Variants in SPANXN4 observed in about 807,000 individuals in gnomAD.
SPANXN4 encodes the protein SPANX family member N4, also known as sperm protein associated with the nucleus on the X chromosome N4.
A neutral mutation model predicts 6.0 loss-of-function variants in SPANXN4; 5 were observed. That is an observed-to-expected ratio of 0.83 (90% CI 0.44 to 1.75). SPANXN4 has a LOEUF of 1.75. Among genes scored for constraint, SPANXN4 ranks in the 40% most tolerant of loss-of-function variants. The probability of loss-of-function intolerance (pLI) is 0.02; values close to 1 mark genes in which losing one functional copy is unlikely to be tolerated. For missense variants in SPANXN4, 157 were observed against 108.6 expected (o/e 1.45, Z -1.98); for synonymous variants, 45 against 38.0 (o/e 1.19, Z -0.68).
chrX:143,037,718 T>A (rs1025233159), downstream of SPANXN4, among the ~76,000 whole-genome samples: 5 of 111,601 alleles, frequency 4.5e-5, no homozygotes, highest in Non-Finnish European at 7.5e-5. Context: ...GTGGTGGTAA[T>A]TGGATCATGG....
At chrX:143,033,076 C>G (rs997112887) in intron 1 of SPANXN4, among the ~76,000 whole-genome samples, 2 of 111,470 alleles carry the variant, frequency 1.8e-5, no homozygotes, top group African/African-American at 6.5e-5. Flanking sequence ...AGAGAAAAAT[C>G]TGGAAAGGAG....
At chrX:143,027,266 G>A (rs767673154) in intron 1 of SPANXN4, among the ~76,000 whole-genome samples, 1 of 112,129 alleles carries the variant, frequency 8.9e-6, no homozygotes, top group Non-Finnish European at 1.9e-5. Flanking sequence ...TGGGGGAGGA[G>A]TTGAAGGCTG....
intron 1 of SPANXN4, 88 bp from the exon 2 acceptor site, chrX:143,033,937 C>T: frequency 1.2e-6 from 1 of 858,996 alleles, no homozygotes; most frequent in Non-Finnish European, 1.6e-6. Flanking sequence ...AACCTGCATT[C>T]CTTCTTATAA....
At chrX:143,033,751 T>C (rs1932825426) in intron 1 of SPANXN4, among the ~76,000 whole-genome samples, 1 of 111,862 alleles carries the variant, frequency 8.9e-6, no homozygotes, top group African/African-American at 3.3e-5. Flanking sequence ...ATGTTTCTCA[T>C]GGCCTGAACC....
downstream of SPANXN4, among the ~76,000 whole-genome samples, chrX:143,038,237 T>A (rs758012141): frequency 1.2e-4 from 14 of 112,021 alleles, no homozygotes; most frequent in Non-Finnish European, 2.6e-4. Context: ...TGTAGAATCA[T>A]ATAACTGTTG....
At chrX:143,033,177 G>A (rs1164980993) in intron 1 of SPANXN4, among the ~76,000 whole-genome samples, 2 of 111,762 alleles carry the variant, frequency 1.8e-5, no homozygotes, top group African/African-American at 6.5e-5. Context: ...CCCAGAAAGG[G>A]TAAGGAAGCA....
downstream of SPANXN4, chrX:143,034,713 C>A (rs1362218499): frequency 6.3e-6 from 7 of 1,118,653 alleles, no homozygotes; most frequent in South Asian, 1.2e-4. Flanking sequence ...TCAAAAGGAA[C>A]AAGAACCTCA....
chrX:143,037,554 G>A (rs1226659461), downstream of SPANXN4, among the ~76,000 whole-genome samples: 1 of 111,667 alleles, frequency 9.0e-6, no homozygotes, highest in Non-Finnish European at 1.9e-5. Context: ...AGGGTTTATA[G>A]TCTATCAGTA....
chrX:143,025,957 T>C, exon 1 of SPANXN4: 1 of 1,112,054 alleles, frequency 9.0e-7, no homozygotes, highest in African/African-American at 1.8e-5. Flanking sequence ...TCAATACAGC[T>C]GTGGAAATCT....
chrX:143,029,321 A>G (rs1179080634), intron 1 of SPANXN4, among the ~76,000 whole-genome samples: 2 of 111,619 alleles, frequency 1.8e-5, no homozygotes, highest in Non-Finnish European at 3.8e-5. Flanking sequence ...GTGAGAGTGT[A>G]GGATGTACCA....
intron 1 of SPANXN4, among the ~76,000 whole-genome samples, chrX:143,030,826 G>A (rs5908515): frequency 0.19 from 20,877 of 110,628 alleles, 1,832 homozygotes; most frequent in South Asian, 0.3. Context: ...ATGTTGTAGC[G>A]AAAGTTGACA....
rs1932830638 is a variant in SPANXN4, at chrX:143,034,241, A to T, written c.283+9A>T. The T allele has an allele frequency of 2.6e-6, 3 of 1,160,017 alleles. No individual in the cohort carries two copies. In the African/African-American group the frequency reaches 5.4e-5, roughly 21 times the overall value. On this transcript the variant is annotated intron_variant, in intron 2 of 2. Coordinates refer to ENST00000370504, the Ensembl canonical transcript of SPANXN4. ...AGGATCTCCACAGGATGGTGGGCAG[A>T]ATTAGTCCAAATTGGACAAATCATC...
downstream of SPANXN4, among the ~76,000 whole-genome samples, chrX:143,034,949 C>T (rs1332293877): frequency 9.2e-6 from 1 of 109,058 alleles, no homozygotes; most frequent in Non-Finnish European, 1.9e-5. Context: ...TTTATCACCA[C>T]TTCCATACAC....
downstream of SPANXN4, among the ~76,000 whole-genome samples, chrX:143,038,345 C>G (rs1411029571): frequency 1.8e-5 from 2 of 111,748 alleles, no homozygotes; most frequent in East Asian, 5.6e-4. Context: ...TTTCTCCTTT[C>G]TACACACAGT....
chrX:143,032,539 C>A (rs1245553589), intron 1 of SPANXN4, among the ~76,000 whole-genome samples: 1 of 110,108 alleles, frequency 9.1e-6, no homozygotes, highest in Non-Finnish European at 1.9e-5. Flanking sequence ...GAGGAGGAGG[C>A]ATTTTTGCGG....
At chrX:143,034,539 G>A in exon 3 of SPANXN4, 1 of 1,155,000 alleles carries the variant, frequency 8.7e-7, no homozygotes, top group Non-Finnish European at 1.2e-6. Flanking sequence ...GTGTTCCTTG[G>A]AGCACGTGCA....
Position 143,034,055 on chromosome X carries a change from C to A in SPANXN4, c.106C>A (p.Pro36Thr), listed in dbSNP as rs1381417521. Residue 36 changes from proline to threonine, a missense_variant, in exon 2 of 3, where the codon CCT becomes ACT. Physicochemically the swap from Pro to Thr is conservative, Grantham distance 38 (BLOSUM62 -1). Transcript: ENST00000370504. ...GAAGAATCTGCACAGAGCCTCAGCC[C>A]CTGAACAGAGTTTGAAAGAGACAGA... The A allele has an allele frequency of 3.4e-6, 4 of 1,178,155 alleles. No individual in the cohort carries two copies. In the South Asian group the frequency reaches 7.5e-5, roughly 22 times the overall value.
At chrX:143,038,563 TTTC>T (rs778675909), downstream of SPANXN4, among the ~76,000 whole-genome samples, 22 of 111,798 alleles carry the variant, frequency 2.0e-4, no homozygotes, top group African/African-American at 7.1e-4. Context: ...CATATTTTGC[TTTC>T]TTCTTGTTTT....
downstream of SPANXN4, among the ~76,000 whole-genome samples, chrX:143,035,751 T>G (rs1932840694): frequency 9.1e-6 from 1 of 110,244 alleles, no homozygotes; most frequent in South Asian, 3.8e-4. Context: ...GTAAAAATGA[T>G]TAGCATACCT....
Sources: allele counts gnomAD v4.1 joint callset (sites outside exome capture counted in the v4.1 genomes callset), GRCh38; gene constraint gnomAD v4.1.1; transcripts MANE v1.5; gene names NCBI Gene and HGNC (gene_info 2026-07-23, HGNC 2026-07-21).